Variants in ADK observed in about 807,000 individuals in gnomAD.
The protein encoded by ADK is N6,N6-dimethyladenosine kinase.
ADK carries 24 observed loss-of-function variants against 44.7 expected under a neutral mutation model. The ratio of observed to expected loss-of-function variants is 0.54; its 90% confidence interval spans 0.39 to 0.76. The LOEUF (loss-of-function observed/expected upper bound fraction) is 0.76, where lower values mean the gene tolerates loss of function less well. Ranked by LOEUF, ADK falls within the 30% of genes least tolerant of loss-of-function variation. ADK has a pLI of 0.00. For missense variants in ADK, 321 were observed against 425.1 expected, an observed-to-expected ratio of 0.76 and a Z score of 2.15; for synonymous variants, 128 against 142.6, an observed-to-expected ratio of 0.90 and a Z score of 0.73.
chr10:74,485,138 A>T (rs1215009064), intron 6 of ADK, among the ~76,000 whole-genome samples: 1 of 152,222 alleles, frequency 6.6e-6, no homozygotes, highest in Non-Finnish European at 1.5e-5. Context: ...CAAATAACCC[A>T]GAAAGAATTA....
chr10:74,557,968 G>A (rs1336734734), intron 7 of ADK, among the ~76,000 whole-genome samples: 3 of 152,126 alleles, frequency 2.0e-5, no homozygotes, highest in Admixed American at 1.3e-4. Context: ...TTAGGATAAG[G>A]AAACCTGTTA....
chr10:74,274,732 GTATA>G (rs754929114), intron 3 of ADK, among the ~76,000 whole-genome samples: 2 of 84,168 alleles, frequency 2.4e-5, no homozygotes, highest in African/African-American at 8.7e-5. Flanking sequence ...TTTAATGTGT[GTATA>G]TATATATATA....
chr10:74,453,292 A>G (rs1460243327), intron 6 of ADK, among the ~76,000 whole-genome samples: 1 of 152,164 alleles, frequency 6.6e-6, no homozygotes, highest in African/African-American at 2.4e-5. Context: ...CATGCATCCT[A>G]TCTCCTTGAC....
At chr10:74,160,056 T>C (rs1225984834) in intron 1 of ADK, among the ~76,000 whole-genome samples, 11 of 152,188 alleles carry the variant, frequency 7.2e-5, no homozygotes, top group Admixed American at 6.5e-4. Flanking sequence ...TTTTTCTATA[T>C]GCTTGTATCA....
chr10:74,339,252 C>G (rs1841509404), intron 4 of ADK, among the ~76,000 whole-genome samples: 1 of 152,112 alleles, frequency 6.6e-6, no homozygotes, highest in African/African-American at 2.4e-5. Context: ...TGAGCCACTG[C>G]CCTGGCCTAA....
chr10:74,525,953 C>A (rs1366156576), intron 7 of ADK, among the ~76,000 whole-genome samples: 1 of 152,096 alleles, frequency 6.6e-6, no homozygotes, highest in Non-Finnish European at 1.5e-5. Context: ...CTGTGCCCGG[C>A]CCAACATTTA....
intron 9 of ADK, among the ~76,000 whole-genome samples, chr10:74,609,724 C>T (rs2133990498): frequency 1.3e-5 from 2 of 152,294 alleles, no homozygotes; most frequent in Middle Eastern, 3.4e-3. Context: ...TAAATGATCA[C>T]ACTGTTAAGT....
intron 6 of ADK, among the ~76,000 whole-genome samples, chr10:74,458,119 C>CTTTTTTT (rs1172945144): frequency 2.7e-5 from 2 of 74,478 alleles, no homozygotes; most frequent in Non-Finnish European, 4.6e-5. Flanking sequence ...TGCATTAAAA[C>CTTTTTTT]TTTTTTTTTT....
intron 6 of ADK, among the ~76,000 whole-genome samples, chr10:74,502,744 A>G (rs1254020323): frequency 1.3e-5 from 2 of 152,150 alleles, no homozygotes; most frequent in East Asian, 1.9e-4. Flanking sequence ...GGAGTTAGAG[A>G]TAGAAAGCAG....
At chr10:74,260,052 T>G (rs1301738795) in intron 3 of ADK, among the ~76,000 whole-genome samples, 1 of 151,504 alleles carries the variant, frequency 6.6e-6, no homozygotes, top group Non-Finnish European at 1.5e-5. Context: ...GCTTTGGCCA[T>G]TTAAAAAAAA....
At chr10:74,645,894 T>C (rs898579907) in intron 9 of ADK, among the ~76,000 whole-genome samples, 3 of 152,174 alleles carry the variant, frequency 2.0e-5, no homozygotes, top group Admixed American at 6.5e-5. Context: ...ATTGAGTCAG[T>C]TCAGAGTAGA....
At chr10:74,287,762 G>A (rs1415513521) in intron 3 of ADK, among the ~76,000 whole-genome samples, 3 of 151,904 alleles carry the variant, frequency 2.0e-5, no homozygotes, top group African/African-American at 7.3e-5. Flanking sequence ...ATTTTGGGAG[G>A]GTGAGGTGGG....
chr10:74,582,944 G>T (rs1481591690), intron 7 of ADK, among the ~76,000 whole-genome samples: 1 of 152,100 alleles, frequency 6.6e-6, no homozygotes, highest in Non-Finnish European at 1.5e-5. Flanking sequence ...GGGGTTCCCA[G>T]ACTCACATTT....
intron 1 of ADK, among the ~76,000 whole-genome samples, chr10:74,192,721 C>G (rs1047289597): frequency 2.0e-5 from 3 of 151,748 alleles, no homozygotes; most frequent in Non-Finnish European, 4.4e-5. Context: ...GAGATGAGGT[C>G]TTACTATGTT....
At chr10:74,699,801 C>T (rs1162664881) in intron 10 of ADK, among the ~76,000 whole-genome samples, 1 of 152,208 alleles carries the variant, frequency 6.6e-6, no homozygotes, top group African/African-American at 2.4e-5. Flanking sequence ...TTCAGCTTCA[C>T]TTAATAAGAG....
intron 4 of ADK, among the ~76,000 whole-genome samples, chr10:74,368,875 G>T (rs1408252287): frequency 6.6e-6 from 1 of 152,110 alleles, no homozygotes; most frequent in Non-Finnish European, 1.5e-5. Context: ...TGATCTGCCT[G>T]CCTTAGCCTC....
At chr10:74,368,056 T>A (rs1842547482) in intron 4 of ADK, among the ~76,000 whole-genome samples, 2 of 152,194 alleles carry the variant, frequency 1.3e-5, no homozygotes, top group Non-Finnish European at 2.9e-5. Context: ...TTTTAGAAAT[T>A]ATGTATTGGC....
rs1345317048 is a variant in ADK at position 74,305,586 on chromosome 10, A to G, written c.195-9081A>G. Among the ~76,000 whole-genome samples, 3 of 148,746 alleles carry G rather than the reference A, an allele frequency of 2.0e-5. No individual in the cohort carries two copies. In the East Asian group the frequency reaches 6.0e-4, roughly 30 times the overall value. The stretch of plus-strand genomic sequence containing the variant: ...AAATTTTGGTATATCCCTTGGTTCC[A>G]CTCTCTGTGTTCTTCTCTTGTGTAT... On this transcript the variant is annotated intron_variant, in intron 3 of 10. Transcript: ENST00000539909.
chr10:74,325,931 A>G (rs568177429), intron 4 of ADK, among the ~76,000 whole-genome samples: 46 of 151,478 alleles, frequency 3.0e-4, no homozygotes, highest in African/African-American at 1.1e-3. Context: ...TACCTCCTGG[A>G]TTCAAGTGAT....
Sources: gnomAD v4.1 joint callset for allele counts (sites outside exome capture counted in the v4.1 genomes callset) on GRCh38, gnomAD v4.1.1 for gene constraint, MANE v1.5 for transcripts, NCBI Gene and HGNC (gene_info 2026-07-23, HGNC 2026-07-21) for gene names.